The following SPON1 variants were observed in gnomAD, a reference collection of about 807,000 sequenced individuals.
The protein encoded by SPON1 is spondin-1.
Under a neutral mutation model 111.7 loss-of-function variants are expected in SPON1, and 52 were observed. That is an observed-to-expected ratio of 0.47 (90% CI 0.37 to 0.59). SPON1 has a LOEUF of 0.59. Among genes scored for constraint, SPON1 ranks in the 20% least tolerant of loss-of-function variants. The probability of loss-of-function intolerance (pLI) is 0.00; values close to 1 mark genes in which losing one functional copy is unlikely to be tolerated. For missense variants in SPON1, 957 were observed against 1,068.5 expected (o/e 0.90, Z 1.46); for synonymous variants, 410 against 395.8 (o/e 1.04, Z -0.43).
chr11:14,166,759 A>G (rs529333702), intron 6 of SPON1, among the ~76,000 whole-genome samples: 1 of 152,326 alleles, frequency 6.6e-6, no homozygotes, highest in South Asian at 2.1e-4. Context: ...ATTTTGGAAC[A>G]CATACTCATA....
intron 2 of SPON1, among the ~76,000 whole-genome samples, chr11:13,988,159 A>G (rs1848200053): frequency 6.6e-6 from 1 of 152,140 alleles, no homozygotes; most frequent in Non-Finnish European, 1.5e-5. Flanking sequence ...GGCCATTTTC[A>G]TGATATTGAT....
chr11:14,167,291 GT>G (rs1848041680), intron 6 of SPON1, among the ~76,000 whole-genome samples: 1 of 151,888 alleles, frequency 6.6e-6, no homozygotes, highest in Non-Finnish European at 1.5e-5. Context: ...TTTTTGGAAA[GT>G]TGTCAGATAT....
chr11:13,991,952 C>T (rs1848234157), intron 2 of SPON1, among the ~76,000 whole-genome samples: 1 of 152,160 alleles, frequency 6.6e-6, no homozygotes, highest in African/African-American at 2.4e-5. Flanking sequence ...AGAGGGGCAC[C>T]TGCCAGATGC....
chr11:14,113,261 A>G (rs915648044), intron 5 of SPON1, among the ~76,000 whole-genome samples: 5 of 152,192 alleles, frequency 3.3e-5, no homozygotes, highest in Admixed American at 6.5e-5. Context: ...AATTGCTTAA[A>G]CAGGAGTCTT....
At chr11:14,168,374 T>A (rs573587120) in intron 6 of SPON1, among the ~76,000 whole-genome samples, 4 of 152,372 alleles carry the variant, frequency 2.6e-5, no homozygotes, top group Non-Finnish European at 5.9e-5. Context: ...AAGCTTCTTT[T>A]TTCTGACAAA....
At chr11:14,031,831 C>T (rs112886892) in intron 2 of SPON1, among the ~76,000 whole-genome samples, 10 of 152,224 alleles carry the variant, frequency 6.6e-5, no homozygotes, top group Non-Finnish European at 1.2e-4. Context: ...AAAAAATACA[C>T]GTAGGAAACT....
intron 6 of SPON1, among the ~76,000 whole-genome samples, chr11:14,152,797 T>C (rs527379240): frequency 5.2e-4 from 79 of 152,320 alleles, no homozygotes; most frequent in African/African-American, 1.8e-3. Flanking sequence ...AAGGATGTGT[T>C]TATTGGCTTG....
At chr11:13,963,605 AG>A (rs1364727452) in intron 1 of SPON1, among the ~76,000 whole-genome samples, 1 of 152,144 alleles carries the variant, frequency 6.6e-6, no homozygotes, top group Non-Finnish European at 1.5e-5. Context: ...CGATTCTCAA[AG>A]ACTGGCCCTG....
At chr11:14,064,785 A>T (rs1319327941) in intron 3 of SPON1, among the ~76,000 whole-genome samples, 3 of 152,102 alleles carry the variant, frequency 2.0e-5, no homozygotes, top group African/African-American at 7.2e-5. Flanking sequence ...GTTGGCAAGG[A>T]CAGGAGACCA....
chr11:13,996,284 C>A (rs1184042365), intron 2 of SPON1, among the ~76,000 whole-genome samples: 2 of 152,168 alleles, frequency 1.3e-5, no homozygotes, highest in Non-Finnish European at 2.9e-5. Context: ...ACAAACAACA[C>A]ATTTTAAAAG....
At chr11:14,073,016 T>C (rs537060149) in intron 3 of SPON1, among the ~76,000 whole-genome samples, 1 of 152,186 alleles carries the variant, frequency 6.6e-6, no homozygotes, top group Admixed American at 6.5e-5. Context: ...GATTTTTTTT[T>C]TCAGATTTTG....
At chr11:14,068,216 A>G (rs1392274469) in intron 3 of SPON1, among the ~76,000 whole-genome samples, 1 of 152,222 alleles carries the variant, frequency 6.6e-6, no homozygotes, top group Non-Finnish European at 1.5e-5. Flanking sequence ...GTTGAACAAT[A>G]TGAGAGAAAA....
chr11:14,084,967 A>T (rs1848994132), intron 5 of SPON1, among the ~76,000 whole-genome samples: 1 of 152,232 alleles, frequency 6.6e-6, no homozygotes, highest in African/African-American at 2.4e-5. Flanking sequence ...ATGTCTGTTC[A>T]TATCCTTCAC....
intron 5 of SPON1, among the ~76,000 whole-genome samples, chr11:14,095,105 A>C (rs1257149013): frequency 1.3e-5 from 2 of 152,190 alleles, no homozygotes; most frequent in African/African-American, 4.8e-5. Flanking sequence ...TTTACAAATG[A>C]CTTTGAAATC....
chr11:14,201,846 T>TG (rs1554935667), intron 6 of SPON1, among the ~76,000 whole-genome samples: 4 of 152,036 alleles, frequency 2.6e-5, no homozygotes, highest in African/African-American at 7.2e-5. Flanking sequence ...TGTGAAGTGG[T>TG]GGGGGGAGTC....
intron 5 of SPON1, among the ~76,000 whole-genome samples, chr11:14,116,800 G>GA (rs1564908831): frequency 3.9e-5 from 6 of 151,984 alleles, no homozygotes; most frequent in Non-Finnish European, 8.8e-5. Context: ...AAAAACGTGG[G>GA]GAGATTTGAC....
In SPON1 at chr11:14,259,265, C is replaced by G. The variant is rs1251380168; in HGVS notation, c.1493-15C>G. On this transcript the variant is annotated splice_polypyrimidine_tract_variant and intron_variant, in intron 11 of 15. Transcript: ENST00000576479. This position sits in a 1 kb window ranked among gnomAD's most constrained non-coding sequence, Gnocchi z 5.0. The stretch of plus-strand genomic sequence containing the variant: ...CCACCGTGCACTGCTGCAGCGTTCA[C>G]TCGGTGTGTTGCAGACGGCTCCACC... The G allele has an allele frequency of 6.2e-7, 1 of 1,602,194 alleles. No homozygotes were observed. The highest frequency in any genetic ancestry group is 8.5e-7 in the Non-Finnish European group (1 of 1,174,258).
intron 7 of SPON1, among the ~76,000 whole-genome samples, chr11:14,251,301 C>G (rs1202964315): frequency 1.3e-5 from 2 of 152,184 alleles, no homozygotes; most frequent in Admixed American, 6.5e-5. Context: ...ACCTCATAGT[C>G]AGGAATTGGC....
intron 7 of SPON1, among the ~76,000 whole-genome samples, chr11:14,250,446 T>A (rs1849041319): frequency 6.6e-6 from 1 of 151,960 alleles, no homozygotes; most frequent in African/African-American, 2.4e-5. Context: ...CAACCCCACT[T>A]GTCGCACAAT....
Sources: gnomAD v4.1 joint callset for allele counts (sites outside exome capture counted in the v4.1 genomes callset) on GRCh38, gnomAD v4.1.1 for gene constraint, Gnocchi (gnomAD v3.1) non-coding constraint, MANE v1.5 for transcripts, NCBI Gene and HGNC (gene_info 2026-07-23, HGNC 2026-07-21) for gene names.